THSD4: variants seen among roughly 807,000 people sequenced by gnomAD.
THSD4 encodes thrombospondin type-1 domain-containing protein 4.
THSD4 carries 69 observed loss-of-function variants against 119.0 expected under a neutral mutation model. The ratio of observed to expected loss-of-function variants is 0.58; its 90% CI spans 0.48 to 0.71. The LOEUF (loss-of-function observed/expected upper bound fraction) is 0.71. Ranked by LOEUF, THSD4 falls within the 30% of genes least tolerant of loss-of-function variation. THSD4 has a pLI of 0.00. For missense variants in THSD4, 1,393 were observed against 1,391.1 expected, an observed-to-expected ratio of 1.00 and a Z score of -0.02; for synonymous variants, 524 against 540.4, an observed-to-expected ratio of 0.97 and a Z score of 0.42.
At chr15:71,108,956 C>T (rs908901302) in intron 1 of THSD4, among the ~76,000 whole-genome samples, 27 of 152,178 alleles carry the variant, frequency 1.8e-4, no homozygotes, top group Non-Finnish European at 1.6e-4. Context: ...CGCACCACTG[C>T]ACTCCAGCCT....
At chr15:71,478,533 GTC>G (rs2047682556) in intron 7 of THSD4, among the ~76,000 whole-genome samples, 1 of 152,126 alleles carries the variant, frequency 6.6e-6, no homozygotes, top group African/African-American at 2.4e-5. Flanking sequence ...CAAAATCAAA[GTC>G]ACAACAGCAC....
chr15:71,322,520 TA>T (rs1338641363), intron 6 of THSD4, among the ~76,000 whole-genome samples: 1 of 152,226 alleles, frequency 6.6e-6, no homozygotes, highest in Non-Finnish European at 1.5e-5. Flanking sequence ...CAAATTATTC[TA>T]AAACCTAGTG....
At position 71,215,368 on chromosome 15, in the gene THSD4, C is replaced by G; in HGVS notation, c.433C>G (p.Pro145Ala). The G allele has an allele frequency of 6.5e-7, 1 of 1,532,186 alleles. No homozygotes were observed. The highest frequency in any genetic ancestry group is 8.7e-7 in the Non-Finnish European group (1 of 1,145,286). 94.9% of individuals were successfully genotyped at this position (1,532,186 alleles called of 1,614,324 possible). A position where few individuals can be genotyped will look rare whatever the true frequency, so the allele number is the denominator to read the frequency against. ...TVLRGSRHPQ[P>A]QGLEVTGDRR... ...GCTGCGAGGCAGCCGGCACCCACAG[C>G]CCCAGGGCCTCGAAGTCACTGGGGA... Residue 145 changes from proline to alanine, a missense_variant, in exon 4 of 18, where the codon CCC becomes GCC. Pro to Ala is a conservative substitution (Grantham distance 27). Coordinates refer to ENST00000261862, the MANE Select transcript of THSD4 (RefSeq NM_024817.3).
chr15:71,494,056 A>G (rs2047969894), intron 7 of THSD4, among the ~76,000 whole-genome samples: 1 of 152,216 alleles, frequency 6.6e-6, no homozygotes, highest in African/African-American at 2.4e-5. Flanking sequence ...ACACCCAGGT[A>G]TAATCTAACT....
chr15:71,455,387 A>G (rs1178872424), intron 7 of THSD4, among the ~76,000 whole-genome samples: 1 of 152,044 alleles, frequency 6.6e-6, no homozygotes, highest in Non-Finnish European at 1.5e-5. Context: ...CTTTGACTGT[A>G]TATTGATTTG....
At chr15:71,101,209 C>A (rs1197791866) in intron 1 of THSD4, among the ~76,000 whole-genome samples, 1 of 151,764 alleles carries the variant, frequency 6.6e-6, no homozygotes, top group Non-Finnish European at 1.5e-5. Context: ...ATTTTAGTAG[C>A]TGTTCTAGAG....
intron 3 of THSD4, among the ~76,000 whole-genome samples, chr15:71,195,265 A>G (rs1170046717): frequency 6.6e-6 from 1 of 152,206 alleles, no homozygotes; most frequent in Admixed American, 6.5e-5. Flanking sequence ...AGTCAAAATA[A>G]GTCAATCCTA....
At chr15:71,748,833 C>T (rs937282886) in intron 14 of THSD4, among the ~76,000 whole-genome samples, 3 of 152,160 alleles carry the variant, frequency 2.0e-5, no homozygotes, top group Non-Finnish European at 2.9e-5. Flanking sequence ...TCCATGTGGT[C>T]ACTCCATAAT....
intron 6 of THSD4, among the ~76,000 whole-genome samples, chr15:71,293,127 T>C (rs999898571): frequency 9.2e-5 from 14 of 152,198 alleles, no homozygotes; most frequent in South Asian, 6.2e-4. Flanking sequence ...ATTGGACAGG[T>C]CGAAAGTTCT....
At chr15:71,564,685 CAA>C (rs2049193333) in intron 7 of THSD4, among the ~76,000 whole-genome samples, 1 of 17,312 alleles carries the variant, frequency 5.8e-5, no homozygotes, top group Non-Finnish European at 1.3e-4. Flanking sequence ...ACATATAATA[CAA>C]TATATAGTAT....
At chr15:71,131,793 C>T (rs1298656523) in intron 1 of THSD4, among the ~76,000 whole-genome samples, 4 of 152,174 alleles carry the variant, frequency 2.6e-5, no homozygotes, top group African/African-American at 9.7e-5. Context: ...GTGATTTAAG[C>T]TACCTTAGTG....
intron 4 of THSD4, among the ~76,000 whole-genome samples, chr15:71,226,290 A>G (rs1437596913): frequency 2.6e-5 from 4 of 152,298 alleles, no homozygotes; most frequent in South Asian, 4.1e-4. Flanking sequence ...TTGACTAGAT[A>G]ATTTTTGGGA....
At chr15:71,456,485 A>G (rs547725077) in intron 7 of THSD4, among the ~76,000 whole-genome samples, 7 of 152,322 alleles carry the variant, frequency 4.6e-5, no homozygotes, top group South Asian at 2.1e-4. Context: ...ATCTCAAGCA[A>G]TCATCTCAAA....
At chr15:71,112,908 G>C (rs2040317640), upstream of THSD4, among the ~76,000 whole-genome samples, 1 of 152,208 alleles carries the variant, frequency 6.6e-6, no homozygotes, top group Admixed American at 6.5e-5. Flanking sequence ...GCTGGTCTCT[G>C]TGGCTCACGC....
intron 7 of THSD4, among the ~76,000 whole-genome samples, chr15:71,427,340 A>G (rs1265011033): frequency 6.6e-6 from 1 of 151,278 alleles, no homozygotes; most frequent in Non-Finnish European, 1.5e-5. Context: ...GGGAAAAGTA[A>G]TACAAAGTCA....
intron 6 of THSD4, among the ~76,000 whole-genome samples, chr15:71,396,204 C>T (rs1489914462): frequency 6.6e-6 from 1 of 151,950 alleles, no homozygotes; most frequent in Non-Finnish European, 1.5e-5. Flanking sequence ...TAAATACATA[C>T]TCTGATACAC....
At chr15:71,378,328 C>T (rs2046178672) in intron 6 of THSD4, among the ~76,000 whole-genome samples, 1 of 152,122 alleles carries the variant, frequency 6.6e-6, no homozygotes, top group Non-Finnish European at 1.5e-5. Flanking sequence ...ATGAAAGTGG[C>T]CTGGAGAGCT....
chr15:71,494,954 A>G (rs1050398169), intron 7 of THSD4, among the ~76,000 whole-genome samples: 2 of 152,190 alleles, frequency 1.3e-5, no homozygotes, highest in African/African-American at 2.4e-5. Context: ...CTGGTAGGAA[A>G]GGTCTCCACT....
chr15:71,394,828 A>AT (rs1425350217), intron 6 of THSD4, among the ~76,000 whole-genome samples: 1 of 152,156 alleles, frequency 6.6e-6, no homozygotes, highest in Admixed American at 6.5e-5. Flanking sequence ...AGTTGCTTGC[A>AT]TTTTTGTGTA....
Sources: allele counts gnomAD v4.1 joint callset (sites outside exome capture counted in the v4.1 genomes callset), GRCh38; gene constraint gnomAD v4.1.1; transcripts MANE v1.5; gene names NCBI Gene and HGNC (gene_info 2026-07-23, HGNC 2026-07-21).